The following FRAS1 variants were observed in gnomAD, a reference collection of about 807,000 sequenced individuals.
FRAS1 encodes the protein Fraser extracellular matrix complex subunit 1, also known as extracellular matrix organizing protein FRAS1.
A neutral mutation model predicts 435.2 loss-of-function variants in FRAS1; 290 were observed. The observed-to-expected ratio is 0.67, with a 90% CI of 0.61 to 0.73. FRAS1 has a LOEUF of 0.73. Ranked by LOEUF, FRAS1 falls within the 30% of genes least tolerant of loss-of-function variation. FRAS1 has a pLI of 0.00. For synonymous variants in FRAS1, 1,800 were observed against 1,851.0 expected, an observed-to-expected ratio of 0.97 and a Z score of 0.71; for missense variants, 4,860 against 5,001.5, an observed-to-expected ratio of 0.97 and a Z score of 0.85.
chr4:78,393,647 A>G (rs1732539574), intron 29 of FRAS1, among the ~76,000 whole-genome samples: 2 of 152,052 alleles, frequency 1.3e-5, no homozygotes, highest in Non-Finnish European at 2.9e-5. Flanking sequence ...ATTCCACTAT[A>G]TGTTCATTTA....
rs547640976 is a variant in FRAS1, at chr4:78,504,752, T to A, written c.9317-2669T>A. Among the ~76,000 whole-genome samples the A allele has an allele frequency of 9.8e-5, 15 of 152,344 alleles. 1 individual carries two copies. The South Asian group carries it at 3.1e-3, about 32-fold the overall frequency. On this transcript the variant is annotated intron_variant, in intron 61 of 73. Transcript: ENST00000512123. Reference sequence around the variant, plus strand: ...TAAGGTTAATATTGTTATGTGTGAATTTGATCCTGTCATTATGATATTAGC... The same window carrying A: ...TAAGGTTAATATTGTTATGTGTGAAATTGATCCTGTCATTATGATATTAGC...
intron 2 of FRAS1, among the ~76,000 whole-genome samples, chr4:78,114,490 T>G (rs530658008): frequency 4.2e-4 from 63 of 151,534 alleles, no homozygotes; most frequent in Non-Finnish European, 8.4e-4. Context: ...TTTGTTTGTA[T>G]CCTCTTTTAT....
At chr4:78,356,042 G>A (rs1037045779) in intron 20 of FRAS1, among the ~76,000 whole-genome samples, 1 of 152,166 alleles carries the variant, frequency 6.6e-6, no homozygotes, top group Non-Finnish European at 1.5e-5. Flanking sequence ...TGGTGTCATA[G>A]CAGTTTATTG....
chr4:78,372,626 C>G, intron 23 of FRAS1, 92 bp from the exon 24 acceptor site: 1 of 1,483,708 alleles, frequency 6.7e-7, no homozygotes, highest in Middle Eastern at 2.4e-4. Context: ...TTATTTTACT[C>G]CTTGCAGCTG....
chr4:78,126,740 C>G (rs533905070), intron 2 of FRAS1, among the ~76,000 whole-genome samples: 1 of 152,110 alleles, frequency 6.6e-6, no homozygotes, highest in African/African-American at 2.4e-5. Context: ...AATCACATCA[C>G]GTGTCTAATC....
At chr4:78,375,582 C>T (rs796845436) in intron 25 of FRAS1, among the ~76,000 whole-genome samples, 157 bp from the exon 26 acceptor site, 16 of 152,272 alleles carry the variant, frequency 1.1e-4, no homozygotes, top group African/African-American at 3.9e-4. Context: ...AGATCAGCTC[C>T]CTATATATTC....
intron 61 of FRAS1, among the ~76,000 whole-genome samples, chr4:78,501,146 G>A (rs1720670661): frequency 6.6e-6 from 1 of 152,034 alleles, no homozygotes; most frequent in South Asian, 2.1e-4. Flanking sequence ...GCCCCATTGT[G>A]TGATGTTCCC....
chr4:78,068,113 C>T (rs1740145353), intron 2 of FRAS1, among the ~76,000 whole-genome samples: 1 of 151,918 alleles, frequency 6.6e-6, no homozygotes, highest in African/African-American at 2.4e-5. Flanking sequence ...AATTAGAGAC[C>T]TGCTATTCTA....
intron 20 of FRAS1, among the ~76,000 whole-genome samples, chr4:78,340,641 G>A (rs1730359886): frequency 6.6e-6 from 1 of 152,178 alleles, no homozygotes; most frequent in Non-Finnish European, 1.5e-5. Flanking sequence ...TGCTAGGGCT[G>A]CCATAACAAA....
In FRAS1 at chr4:78,298,022, CTCTCTCTCTA is replaced by C. The variant is rs1407157876; in HGVS notation, c.1535-10042_1535-10033del. Among the ~76,000 whole-genome samples, 18 of 106,574 alleles carry C rather than the reference CTCTCTCTCTA, an allele frequency of 1.7e-4. 1 individual carries two copies. The highest frequency in any genetic ancestry group is 5.1e-4 in the African/African-American group (14 of 27,486). The allele number at this position is 106,574 out of a possible 152,430, so 69.9% of individuals were successfully genotyped here. A position where few individuals can be genotyped will look rare whatever the true frequency, so the allele number is the denominator to read the frequency against. ...TTTGTTCCTCTCTCTCTCTCTCTCT[CTCTCTCTCTA>C]TATATATATATATATATATATTACT... On this transcript the variant is annotated intron_variant, in intron 14 of 73. Transcript: ENST00000512123.
intron 25 of FRAS1, 70 bp from the exon 26 acceptor site, chr4:78,375,669 C>A: frequency 2.2e-6 from 3 of 1,380,856 alleles, no homozygotes; most frequent in East Asian, 2.5e-5. Context: ...CTTCTGGTTG[C>A]AAGCCCTTTA....
intron 30 of FRAS1, among the ~76,000 whole-genome samples, chr4:78,406,877 A>G (rs1733118224): frequency 6.6e-6 from 1 of 152,122 alleles, no homozygotes; most frequent in East Asian, 1.9e-4. Flanking sequence ...AAAAATCTGA[A>G]ATCTGAAATG....
Position 78,333,324 on chromosome 4 carries a change from A to C in FRAS1, c.2190A>C (p.Thr730=). ...CAGGGAAAAGCCCACATAACTGCAC[A>C]GACTGTGGGCCTTCCCATGTGCTGT... ...RCAGKSPHNC[T]DCGPSHVLLD... is the part of the protein sequence containing the mutation. Residue 730 remains threonine (T), a synonymous_variant, in exon 19 of 74, where the codon ACA becomes ACC. Transcript: ENST00000512123. 1 of 1,612,496 alleles carries C rather than the reference A, an allele frequency of 6.2e-7. No homozygotes were observed. The highest frequency in any genetic ancestry group is 1.1e-5 in the South Asian group (1 of 90,536).
At position 78,177,145 on chromosome 4, in the gene FRAS1, T is replaced by C. The variant is rs537463895; in HGVS notation, c.109-60365T>C. On this transcript the variant is annotated intron_variant, in intron 2 of 73. Transcript: ENST00000512123. ...CTCTGTTGCCCAGGCTGGAGTGCAG[T>C]GGCGCTATCTCGGCTCACTGCAAGC... Among the ~76,000 whole-genome samples the C allele has an allele frequency of 1.5e-4, 23 of 150,476 alleles. No homozygotes were observed. In the East Asian group the frequency reaches 4.5e-3, roughly 30 times the overall value.
At chr4:78,173,108 T>C (rs1721626641) in intron 2 of FRAS1, among the ~76,000 whole-genome samples, 1 of 152,220 alleles carries the variant, frequency 6.6e-6, no homozygotes. Context: ...TTTCTGACTT[T>C]GTGTCTCCAT....
At chr4:78,445,868 G>A in intron 42 of FRAS1, 156 bp downstream of exon 42, 1 of 1,359,258 alleles carries the variant, frequency 7.4e-7, no homozygotes, top group South Asian at 2.4e-5. Flanking sequence ...GAATCTTGTA[G>A]AATTAAGGTT....
intron 3 of FRAS1, among the ~76,000 whole-genome samples, chr4:78,244,251 A>G (rs1431509324): frequency 6.6e-6 from 1 of 151,994 alleles, no homozygotes; most frequent in African/African-American, 2.4e-5. Context: ...AAATATTAAT[A>G]ACATTAACAC....
chr4:78,315,687 C>G lies in FRAS1; in HGVS notation c.1772C>G (p.Ser591Cys), dbSNP rs761398681. The change falls in exon 16 of 74, where the codon TCT (serine) becomes TGT (cysteine). Residue 591 changes from serine to cysteine, a missense_variant. By Grantham distance (112) the Ser-to-Cys change is moderately radical. Transcript: ENST00000512123. Reference sequence around the variant, plus strand: ...GTGCTGCATGATGGGAAATGCATGTCTGAATGCCCTGGCGGGTACTATGCT... The same window carrying G: ...GTGCTGCATGATGGGAAATGCATGTGTGAATGCCCTGGCGGGTACTATGCT... ...KTVLHDGKCM[S>C]ECPGGYYADA... 4.3e-6 allele frequency: 7 copies of G among 1,613,896 alleles called. No homozygotes were observed.
chr4:78,291,942 G>A (rs1202397133), intron 14 of FRAS1, among the ~76,000 whole-genome samples: 1 of 152,144 alleles, frequency 6.6e-6, no homozygotes, highest in Non-Finnish European at 1.5e-5. Context: ...GAGGGCTTTG[G>A]CAAACCATTT....
Sources: gnomAD v4.1 joint callset for allele counts (sites outside exome capture counted in the v4.1 genomes callset) on GRCh38, gnomAD v4.1.1 for gene constraint, MANE v1.5 for transcripts, NCBI Gene and HGNC (gene_info 2026-07-23, HGNC 2026-07-21) for gene names.